AFTPH: variants seen among roughly 807,000 people sequenced by gnomAD.
AFTPH encodes aftiphilin.
In AFTPH, 7 loss-of-function variants were observed where a neutral mutation model predicts 72.5. The ratio of observed to expected loss-of-function variants is 0.10; its 90% CI spans 0.05 to 0.18. AFTPH has a LOEUF of 0.18. AFTPH is among the 10% of genes least tolerant of loss of function. The pLI, the probability that AFTPH is intolerant of heterozygous loss-of-function variation, is 1.00. For missense variants in AFTPH, 979 were observed against 1,060.5 expected (o/e 0.92, Z 1.07); for synonymous variants, 337 against 370.1 (o/e 0.91, Z 1.03).
intron 6 of AFTPH, among the ~76,000 whole-genome samples, chr2:64,578,516 A>T (rs549210170): frequency 1.3e-5 from 2 of 151,444 alleles, no homozygotes; most frequent in South Asian, 4.2e-4. Context: ...TGCTTATTTT[A>T]TATGTTTGAC....
chr2:64,587,703 G>A (rs3770724), intron 8 of AFTPH, among the ~76,000 whole-genome samples: 71,644 of 152,046 alleles, frequency 0.47, 18,333 homozygotes, highest in African/African-American at 0.69. Context: ...GTGCCTTTGA[G>A]TGTCTCAGGG....
chr2:64,569,367 T>C, intron 4 of AFTPH, 149 bp downstream of exon 4: 1 of 1,164,560 alleles, frequency 8.6e-7, no homozygotes, highest in South Asian at 1.7e-5. Context: ...GTGCTGACTT[T>C]TAAACATCAG....
intron 1 of AFTPH, among the ~76,000 whole-genome samples, chr2:64,531,705 A>G (rs1669641178): frequency 6.6e-6 from 1 of 152,252 alleles, no homozygotes. Context: ...GCAGATTTTA[A>G]AAACTAATGT....
chr2:64,540,000 A>G (rs1042771117), intron 1 of AFTPH, among the ~76,000 whole-genome samples: 1 of 152,188 alleles, frequency 6.6e-6, no homozygotes, highest in Non-Finnish European at 1.5e-5. Context: ...GAAAGGATCA[A>G]TAGTGATGGA....
At chr2:64,575,742 T>C (rs1672734131) in intron 6 of AFTPH, among the ~76,000 whole-genome samples, 2 of 98,866 alleles carry the variant, frequency 2.0e-5, no homozygotes, top group African/African-American at 7.3e-5. Context: ...TGTGTGTGTG[T>C]ATATATTTTT....
At chr2:64,582,760 T>A (rs1673284996) in intron 7 of AFTPH, among the ~76,000 whole-genome samples, 1 of 152,206 alleles carries the variant, frequency 6.6e-6, no homozygotes, top group South Asian at 2.1e-4. Flanking sequence ...AGGTCACTGT[T>A]TTTCTTTTGG....
chr2:64,539,953 ATTTGT>A (rs1012980218), intron 1 of AFTPH, among the ~76,000 whole-genome samples: 153 of 152,168 alleles, frequency 1.0e-3, no homozygotes, highest in African/African-American at 3.5e-3. Context: ...TTTTGTTCTG[ATTTGT>A]TTTGAGTATG....
chr2:64,532,872 T>C (rs182577332), intron 1 of AFTPH, among the ~76,000 whole-genome samples: 2 of 152,316 alleles, frequency 1.3e-5, no homozygotes, highest in East Asian at 3.9e-4. Context: ...TTAATACCTA[T>C]GGGAAAATTT....
intron 1 of AFTPH, among the ~76,000 whole-genome samples, chr2:64,540,893 T>A (rs1422967110): frequency 1.3e-5 from 2 of 152,178 alleles, no homozygotes; most frequent in African/African-American, 4.8e-5. Context: ...TAAAAATCTT[T>A]CCCCTTCCAA....
At position 64,543,952 on chromosome 2, in the gene AFTPH, C is replaced by G. The variant is rs144299119; in HGVS notation, c.-32-7491C>G. On this transcript the variant is annotated intron_variant, in intron 1 of 8. Coordinates refer to ENST00000238856, the Ensembl canonical transcript of AFTPH. ...AAGATTAATACAGAATCACCTTCAC[C>G]TGTTGTATGCCCTGCCATCCTGGCT... is the stretch of plus-strand genomic sequence containing the variant. Among the ~76,000 whole-genome samples the G allele has an allele frequency of 6.4e-3, 975 of 152,276 alleles. 12 individuals carry two copies. Among genetic ancestry groups the G allele is most frequent in the African/African-American group, 0.022 (910 of 41,546 alleles).
intron 2 of AFTPH, among the ~76,000 whole-genome samples, chr2:64,566,692 AGGTTGCACAT>A (rs1256763408): frequency 6.6e-6 from 1 of 152,176 alleles, no homozygotes; most frequent in African/African-American, 2.4e-5. Flanking sequence ...ATGTTATTGT[AGGTTGCACAT>A]GTATAGTAAA....
chr2:64,551,720 G>A (rs1671058980), exon 2 of AFTPH: 1 of 1,613,752 alleles, frequency 6.2e-7, no homozygotes, highest in Non-Finnish European at 8.5e-7. Flanking sequence ...CAAGCTTTAA[G>A]TCCATTAAAA....
rs116920906 is a variant in AFTPH, at chr2:64,575,679, T to A, written c.2394+2611T>A. 8.4e-3 allele frequency among the ~76,000 whole-genome samples: 1,259 copies of A among 150,742 alleles called. 41 individuals are homozygous for A. In the East Asian group the frequency reaches 0.11, roughly 13 times the overall value. On this transcript the variant is annotated intron_variant, in intron 6 of 8. Coordinates refer to ENST00000238856, the Ensembl canonical transcript of AFTPH. The stretch of plus-strand genomic sequence containing the variant: ...CTAAAGAGTCTCTTTACAGAAAATT[T>A]TATATATATATGTATGTGTGTATAT...
intron 1 of AFTPH, among the ~76,000 whole-genome samples, chr2:64,536,153 G>C (rs1354141449): frequency 1.3e-5 from 2 of 152,186 alleles, no homozygotes; most frequent in Non-Finnish European, 2.9e-5. Flanking sequence ...AGACATCCAG[G>C]TAGAGAGATT....
At position 64,538,207 on chromosome 2, in the gene AFTPH, C is replaced by T. The variant is rs183934097; in HGVS notation, c.-32-13236C>T. Reference sequence around the variant, plus strand: ...GTGTGAAAAATTCTGCTTTATATGACGGGCCAATTCTCAAGTTGTTTCTAA... The same window carrying T: ...GTGTGAAAAATTCTGCTTTATATGATGGGCCAATTCTCAAGTTGTTTCTAA... On this transcript the variant is annotated intron_variant, in intron 1 of 8. Coordinates refer to ENST00000238856, the Ensembl canonical transcript of AFTPH. 8.3e-4 allele frequency among the ~76,000 whole-genome samples: 126 copies of T among 152,104 alleles called. No homozygotes were observed. In the Middle Eastern group the frequency reaches 0.014, roughly 16 times the overall value.
intron 1 of AFTPH, among the ~76,000 whole-genome samples, chr2:64,539,086 A>G (rs1670055713): frequency 6.6e-6 from 1 of 152,124 alleles, no homozygotes; most frequent in African/African-American, 2.4e-5. Context: ...CTTAGTCTTG[A>G]CCAAAATGCT....
At chr2:64,576,604 C>CT (rs1322900767) in intron 6 of AFTPH, among the ~76,000 whole-genome samples, 1 of 152,142 alleles carries the variant, frequency 6.6e-6, no homozygotes, top group Non-Finnish European at 1.5e-5. Context: ...ATACTTTACA[C>CT]TTTATTCATT....
intron 1 of AFTPH, among the ~76,000 whole-genome samples, chr2:64,532,671 C>T (rs1021839987): frequency 1.3e-5 from 2 of 152,094 alleles, no homozygotes; most frequent in Non-Finnish European, 2.9e-5. Flanking sequence ...TTGTTAAGCT[C>T]AGTTTGAGAT....
At chr2:64,552,380 A>G (rs555921915) in exon 2 of AFTPH, 2 of 1,614,108 alleles carry the variant, frequency 1.2e-6, no homozygotes, top group East Asian at 4.5e-5. Flanking sequence ...TTTCAGAAAT[A>G]AGCATAGTGA....
Sources: allele counts gnomAD v4.1 joint callset (sites outside exome capture counted in the v4.1 genomes callset), GRCh38; gene constraint gnomAD v4.1.1; transcripts MANE v1.5; gene names NCBI Gene and HGNC (gene_info 2026-07-23, HGNC 2026-07-21).